Variants in RGSL1 observed in about 807,000 individuals in gnomAD.
RGSL1 encodes regulator of G protein signaling like 1, also known as regulator of G protein signaling protein-like.
A neutral mutation model predicts 124.7 loss-of-function variants in RGSL1; 97 were observed. The observed-to-expected ratio is 0.78, with a 90% CI of 0.66 to 0.92. The LOEUF (loss-of-function observed/expected upper bound fraction) is 0.92. Among genes scored for constraint, RGSL1 ranks in the 40% least tolerant of loss-of-function variants. The pLI is 0.00. For synonymous variants in RGSL1, 424 were observed against 438.1 expected (o/e 0.97, Z 0.40); for missense variants, 1,233 against 1,288.4 (o/e 0.96, Z 0.66).
At chr1:182,460,160 CTGTGTGTGTGTG>C (rs10572829) in intron 4 of RGSL1, 27 bp downstream of exon 4, 11 of 1,430,174 alleles carry the variant, frequency 7.7e-6, no homozygotes, top group Admixed American at 2.4e-5. Context: ...ATGCGTGTGT[CTGTGTGTGTGTG>C]TGTGTGTGTG....
chr1:182,456,299 C>CA (rs372140501), intron 2 of RGSL1, among the ~76,000 whole-genome samples: 1 of 141,844 alleles, frequency 7.1e-6, no homozygotes, highest in African/African-American at 2.6e-5. Flanking sequence ...CAGAAGTAAT[C>CA]TTTTTTTTTT....
At chr1:182,449,879 CAA>C (rs1402445080), upstream of RGSL1, among the ~76,000 whole-genome samples, 1 of 152,116 alleles carries the variant, frequency 6.6e-6, no homozygotes, top group Non-Finnish European at 1.5e-5. Flanking sequence ...TTGGAGCAGA[CAA>C]GAGATCTTGG....
rs1321267197 is a variant in RGSL1 at position 182,548,798 on chromosome 1, C to G, written c.2907C>G (p.Phe969Leu). 1.5e-5 allele frequency: 24 copies of G among 1,551,500 alleles called. No homozygotes were observed. Among genetic ancestry groups the G allele is most frequent in the Non-Finnish European group, 2.1e-5 (24 of 1,146,976 alleles). The stretch of plus-strand genomic sequence containing the variant: ...TCCATGGGGCTATCATGTCTGTCTT[C>G]CCCGTTGTTATGTACTTCTGGAAAA... ...SVFHGAIMSV[F>L]PVVMYFWKRF... is the part of the protein sequence containing the mutation. The change falls in exon 17 of 22, where the codon TTC (phenylalanine) becomes TTG (leucine). Residue 969 changes from phenylalanine to leucine, a missense_variant. By Grantham distance (22) the Phe-to-Leu change is conservative. Coordinates refer to ENST00000294854, the MANE Select transcript of RGSL1 (RefSeq NM_001137669.2).
chr1:182,485,886 A>G (rs1326783572), intron 6 of RGSL1, among the ~76,000 whole-genome samples: 1 of 152,230 alleles, frequency 6.6e-6, no homozygotes, highest in Non-Finnish European at 1.5e-5. Context: ...TAGTGTCCAT[A>G]AATAAAGTTT....
At chr1:182,466,206 C>T (rs1653315119) in intron 4 of RGSL1, among the ~76,000 whole-genome samples, 1 of 152,018 alleles carries the variant, frequency 6.6e-6, no homozygotes, top group African/African-American at 2.4e-5. Context: ...CCACAGTGAA[C>T]ATCATACTCA....
intron 10 of RGSL1, among the ~76,000 whole-genome samples, chr1:182,526,009 A>G (rs564599042): frequency 2.7e-4 from 41 of 152,338 alleles, no homozygotes; most frequent in African/African-American, 9.6e-4. Flanking sequence ...AAATACCCAA[A>G]TTATTGAAGT....
At chr1:182,447,944 A>G (rs954397142), upstream of RGSL1, 1 of 151,176 alleles carries the variant, frequency 6.6e-6, no homozygotes, top group Admixed American at 6.6e-5. Flanking sequence ...TTCAGCCCTG[A>G]GTCAGACCTA....
chr1:182,499,111 G>A (rs1179792406), intron 9 of RGSL1, among the ~76,000 whole-genome samples: 4 of 152,174 alleles, frequency 2.6e-5, no homozygotes, highest in Non-Finnish European at 5.9e-5. Context: ...GCCAATTTTA[G>A]AGTATGTGCC....
intron 9 of RGSL1, among the ~76,000 whole-genome samples, chr1:182,506,459 A>T (rs7547095): frequency 0.86 from 131,246 of 152,146 alleles, 56,930 homozygotes; most frequent in African/African-American, 0.9. Context: ...GCAAGCAAAT[A>T]TGGAATTATA....
intron 4 of RGSL1, among the ~76,000 whole-genome samples, chr1:182,466,661 G>A (rs1056839809): frequency 6.6e-6 from 1 of 152,094 alleles, no homozygotes; most frequent in Non-Finnish European, 1.5e-5. Context: ...ACAAAACATT[G>A]CTGAAAGAAA....
At chr1:182,508,827 C>A (rs909948016) in intron 9 of RGSL1, among the ~76,000 whole-genome samples, 1 of 118,392 alleles carries the variant, frequency 8.4e-6, no homozygotes, top group African/African-American at 3.3e-5. Context: ...GGCAGAGGAC[C>A]CTGCGGCCTT....
rs1660345889 is a variant in RGSL1 at position 182,548,305 on chromosome 1, T to C, written c.2670-12T>C. 1.9e-6 allele frequency: 3 copies of C among 1,551,748 alleles called. No individual in the cohort carries two copies. On this transcript the variant is annotated splice_polypyrimidine_tract_variant and intron_variant, in intron 15 of 21. Coordinates refer to ENST00000294854, the MANE Select transcript of RGSL1 (RefSeq NM_001137669.2). ...TCTCCTCCTGATTTCCTACTTCACA[T>C]TTCTTTTTTAGATTTAATGATCTGG...
At chr1:182,490,773 C>T (rs1363589844) in intron 8 of RGSL1, among the ~76,000 whole-genome samples, 1 of 152,180 alleles carries the variant, frequency 6.6e-6, no homozygotes. Context: ...ATTACTTCCT[C>T]TATCACTGCT....
intron 9 of RGSL1, among the ~76,000 whole-genome samples, chr1:182,508,680 T>G (rs879622201): frequency 6.7e-6 from 1 of 149,220 alleles, no homozygotes; most frequent in Non-Finnish European, 1.5e-5. Flanking sequence ...TTGTTTTTTT[T>G]TTTTTTTTTT....
intron 14 of RGSL1, among the ~76,000 whole-genome samples, chr1:182,533,109 TTAA>T (rs1384196982): frequency 1.2e-4 from 18 of 152,188 alleles, no homozygotes; most frequent in African/African-American, 4.1e-4. Context: ...TGCTTATAAA[TTAA>T]TACATGCTGT....
chr1:182,539,482 C>A (rs981009148), intron 14 of RGSL1, among the ~76,000 whole-genome samples: 1 of 152,144 alleles, frequency 6.6e-6, no homozygotes, highest in Admixed American at 6.5e-5. Context: ...CCATAGGGAG[C>A]ACCACACCCA....
intron 9 of RGSL1, among the ~76,000 whole-genome samples, chr1:182,515,441 G>A (rs1036021406): frequency 2.0e-5 from 3 of 151,712 alleles, no homozygotes; most frequent in African/African-American, 7.3e-5. Context: ...AGTCTCAAAT[G>A]GGCCCTGGCG....
intron 4 of RGSL1, among the ~76,000 whole-genome samples, chr1:182,466,006 C>T (rs949339342): frequency 6.6e-6 from 1 of 151,778 alleles, no homozygotes. Context: ...AAGGACACCT[C>T]AATATACGAA....
intron 17 of RGSL1, 108 bp downstream of exon 17, chr1:182,548,932 A>G (rs533964030): frequency 1.5e-6 from 2 of 1,356,246 alleles, no homozygotes; most frequent in East Asian, 5.1e-5. Context: ...TCCAGTTTCT[A>G]GGGGGAACTA....
Sources: gnomAD v4.1 joint callset for allele counts (sites outside exome capture counted in the v4.1 genomes callset) on GRCh38, gnomAD v4.1.1 for gene constraint, MANE v1.5 for transcripts, NCBI Gene and HGNC (gene_info 2026-07-23, HGNC 2026-07-21) for gene names.